MAGI2: variants seen among roughly 807,000 people sequenced by gnomAD.
MAGI2 encodes membrane-associated guanylate kinase, WW and PDZ domain-containing protein 2.
In MAGI2, 35 loss-of-function variants were observed where a neutral mutation model predicts 133.3. That is an observed-to-expected ratio of 0.26 (90% confidence interval 0.20 to 0.35). MAGI2 has a LOEUF of 0.35. Ranked by LOEUF, MAGI2 falls within the 10% of genes least tolerant of loss-of-function variation. MAGI2 has a pLI of 1.00. For synonymous variants in MAGI2, 729 were observed against 710.6 expected (o/e 1.03, Z -0.41); for missense variants, 1,636 against 1,863.4 (o/e 0.88, Z 2.25).
intron 1 of MAGI2, among the ~76,000 whole-genome samples, chr7:79,150,258 TA>T (rs59728410): frequency 0.014 from 2,137 of 148,184 alleles, 49 homozygotes; most frequent in African/African-American, 0.049. Flanking sequence ...AATTTACGGT[TA>T]AAAAAAAAAA....
chr7:79,205,061 A>T (rs906515655), intron 1 of MAGI2, among the ~76,000 whole-genome samples: 3 of 148,964 alleles, frequency 2.0e-5, no homozygotes, highest in Non-Finnish European at 3.0e-5. Context: ...AAAGTTTATT[A>T]AAAAAAAAAT....
At chr7:78,243,077 A>G (rs568852840) in intron 10 of MAGI2, among the ~76,000 whole-genome samples, 25 of 152,230 alleles carry the variant, frequency 1.6e-4, no homozygotes, top group South Asian at 6.2e-4. Context: ...GTCTCAAAAT[A>G]AATAAATAAA....
chr7:78,437,134 A>G (rs1289031916), intron 6 of MAGI2, among the ~76,000 whole-genome samples: 1 of 152,144 alleles, frequency 6.6e-6, no homozygotes, highest in Non-Finnish European at 1.5e-5. Flanking sequence ...AGCGACAGAA[A>G]TGCTATTGCT....
chr7:79,063,411 C>CA (rs1813972310), intron 1 of MAGI2, among the ~76,000 whole-genome samples: 3 of 152,036 alleles, frequency 2.0e-5, no homozygotes, highest in South Asian at 4.1e-4. Flanking sequence ...GATTACATTA[C>CA]AAAGTGTAAA....
At chr7:78,706,662 T>A (rs546741453) in intron 2 of MAGI2, among the ~76,000 whole-genome samples, 1 of 152,066 alleles carries the variant, frequency 6.6e-6, no homozygotes, top group African/African-American at 2.4e-5. Context: ...AACAGTGTAA[T>A]CCAATCACAT....
intron 1 of MAGI2, among the ~76,000 whole-genome samples, chr7:79,376,445 A>T (rs1843385489): frequency 6.6e-6 from 1 of 151,938 alleles, no homozygotes; most frequent in Non-Finnish European, 1.5e-5. Flanking sequence ...TGACAGAGGC[A>T]TTACAACATA....
At chr7:78,723,342 C>A (rs1820442441) in intron 2 of MAGI2, among the ~76,000 whole-genome samples, 2 of 152,112 alleles carry the variant, frequency 1.3e-5, no homozygotes, top group South Asian at 4.1e-4. Flanking sequence ...TTACTAAATT[C>A]AAGAAGGCCT....
chr7:78,987,482 A>G (rs974497967), intron 2 of MAGI2, among the ~76,000 whole-genome samples: 2 of 152,078 alleles, frequency 1.3e-5, no homozygotes, highest in African/African-American at 4.8e-5. Flanking sequence ...TTTATCATCA[A>G]TACAGGATAA....
At chr7:78,406,257 C>G (rs1797363266) in intron 6 of MAGI2, among the ~76,000 whole-genome samples, 1 of 152,012 alleles carries the variant, frequency 6.6e-6, no homozygotes, top group Non-Finnish European at 1.5e-5. Context: ...ATGCCTCCAA[C>G]TCTATTCTAA....
chr7:79,304,180 G>GGTGT (rs1837586453), intron 1 of MAGI2, among the ~76,000 whole-genome samples: 2 of 11,116 alleles, frequency 1.8e-4, no homozygotes, highest in Non-Finnish European at 3.9e-4. Flanking sequence ...TTTCAACTGG[G>GGTGT]ATGTGTGTGT....
rs1816394780 is a variant in MAGI2, at chr7:79,085,351, T to A, written c.302-78145A>T. ...TTTTTCTAAAATTCATATATTTTTA[T>A]TATTATCTTCTGTTTGTCAAGACAT... On this transcript the variant is annotated intron_variant, in intron 1 of 21. Transcript: ENST00000354212. Among the ~76,000 whole-genome samples the A allele has an allele frequency of 4.0e-5, 6 of 151,868 alleles. No individual in the cohort carries two copies. In the South Asian group the frequency reaches 1.2e-3, roughly 31 times the overall value.
chr7:78,622,269 G>C (rs964613021), intron 3 of MAGI2, among the ~76,000 whole-genome samples: 3 of 151,968 alleles, frequency 2.0e-5, no homozygotes, highest in Non-Finnish European at 4.4e-5. Flanking sequence ...TCTTAAGGCT[G>C]AGAGTAACTC....
At chr7:79,401,039 T>C (rs1328801535) in intron 1 of MAGI2, among the ~76,000 whole-genome samples, 1 of 152,188 alleles carries the variant, frequency 6.6e-6, no homozygotes, top group Non-Finnish European at 1.5e-5. Flanking sequence ...CCTAGGATCA[T>C]CAGAGGATAT....
At chr7:79,112,975 T>A (rs895737708) in intron 1 of MAGI2, among the ~76,000 whole-genome samples, 5 of 152,222 alleles carry the variant, frequency 3.3e-5, no homozygotes, top group Admixed American at 2.0e-4. Flanking sequence ...ATTGGGAACA[T>A]TGAGAATTAA....
At chr7:78,999,987 G>GT (rs1806698153) in intron 2 of MAGI2, among the ~76,000 whole-genome samples, 2 of 152,150 alleles carry the variant, frequency 1.3e-5, no homozygotes, top group Admixed American at 1.3e-4. Context: ...TCAAAAAAGA[G>GT]TTGCCAAATT....
At chr7:78,351,834 G>A (rs1194996344) in intron 7 of MAGI2, 1 of 152,082 alleles carries the variant, frequency 6.6e-6, no homozygotes, top group Non-Finnish European at 1.5e-5. Context: ...TTTGGAAACT[G>A]GGAGGAAAAT....
intron 1 of MAGI2, among the ~76,000 whole-genome samples, chr7:79,298,566 A>T (rs966246027): frequency 6.6e-6 from 1 of 152,182 alleles, no homozygotes; most frequent in Non-Finnish European, 1.5e-5. Context: ...AGCGTTCATT[A>T]ACAAATATTT....
intron 20 of MAGI2, among the ~76,000 whole-genome samples, chr7:78,102,296 G>T (rs1027023578): frequency 3.3e-5 from 5 of 152,128 alleles, no homozygotes; most frequent in African/African-American, 1.2e-4. Flanking sequence ...GGTAACTATG[G>T]TTAATACTGT....
chr7:78,328,561 A>ATTACT (rs1489797828), intron 9 of MAGI2, among the ~76,000 whole-genome samples: 1 of 70,418 alleles, frequency 1.4e-5, no homozygotes, highest in African/African-American at 6.0e-5. Flanking sequence ...CTTTATTCTC[A>ATTACT]TTACTTTAAC....
Sources: gnomAD v4.1 joint callset for allele counts (sites outside exome capture counted in the v4.1 genomes callset) on GRCh38, gnomAD v4.1.1 for gene constraint, MANE v1.5 for transcripts, NCBI Gene and HGNC (gene_info 2026-07-23, HGNC 2026-07-21) for gene names.